Variants in PCDH15 observed in about 807,000 individuals in gnomAD.
The protein encoded by PCDH15 is protocadherin-15.
Under a neutral mutation model 178.5 loss-of-function variants are expected in PCDH15, and 129 were observed. The ratio of observed to expected loss-of-function variants is 0.72; its 90% CI spans 0.63 to 0.84. The LOEUF is 0.84. PCDH15 is among the 40% of genes least tolerant of loss of function. The pLI is 0.00. For missense variants in PCDH15, 2,230 were observed against 2,099.9 expected, an observed-to-expected ratio of 1.06 and a Z score of -1.21; for synonymous variants, 800 against 732.0, an observed-to-expected ratio of 1.09 and a Z score of -1.50.
chr10:55,567,820 G>A (rs1589143958), intron 2 of PCDH15, among the ~76,000 whole-genome samples: 2 of 151,592 alleles, frequency 1.3e-5, no homozygotes, highest in Admixed American at 6.6e-5. Flanking sequence ...TTGTTACACC[G>A]TTGGCACATT....
chr10:53,915,873 A>G (rs1412220391), intron 25 of PCDH15, among the ~76,000 whole-genome samples: 2 of 152,118 alleles, frequency 1.3e-5, no homozygotes, highest in African/African-American at 4.8e-5. Flanking sequence ...TGTATAATAT[A>G]TAATACTTGA....
At chr10:55,411,113 T>C (rs1838320611) in intron 2 of PCDH15, among the ~76,000 whole-genome samples, 3 of 152,120 alleles carry the variant, frequency 2.0e-5, no homozygotes, top group South Asian at 2.1e-4. Context: ...GTCCTTAGTG[T>C]AGCAATTTTA....
chr10:54,990,059 C>T (rs1387473440), intron 2 of PCDH15, among the ~76,000 whole-genome samples: 1 of 152,174 alleles, frequency 6.6e-6, no homozygotes, highest in Admixed American at 6.6e-5. Flanking sequence ...GATTGTGAGG[C>T]CTCCTCTGCC....
chr10:53,933,032 C>T (rs962263538), intron 25 of PCDH15, among the ~76,000 whole-genome samples: 1 of 152,036 alleles, frequency 6.6e-6, no homozygotes, highest in African/African-American at 2.4e-5. Context: ...TTGACTTCCA[C>T]CACGATTATA....
At chr10:55,146,100 G>T (rs946117853) in intron 2 of PCDH15, among the ~76,000 whole-genome samples, 1 of 151,848 alleles carries the variant, frequency 6.6e-6, no homozygotes, top group Non-Finnish European at 1.5e-5. Context: ...TTCTTTTTTG[G>T]CTGTGCCAAG....
intron 2 of PCDH15, among the ~76,000 whole-genome samples, chr10:54,631,617 T>C (rs1328629957): frequency 6.6e-6 from 1 of 152,148 alleles, no homozygotes; most frequent in Non-Finnish European, 1.5e-5. Flanking sequence ...TGTTCCATCA[T>C]AGCACTATGC....
chr10:54,061,209 T>A (rs572451848), intron 18 of PCDH15, among the ~76,000 whole-genome samples: 124 of 152,294 alleles, frequency 8.1e-4, no homozygotes, highest in African/African-American at 2.8e-3. Context: ...AAGAGGCCTC[T>A]CATATCTGAG....
rs577077443 is a variant in PCDH15, at chr10:54,407,188, G to A, written c.158-28246C>T. 2.6e-5 allele frequency among the ~76,000 whole-genome samples: 4 copies of A among 152,200 alleles called. No individual in the cohort carries two copies. The East Asian group carries it at 5.8e-4, about 22-fold the overall frequency. ...ATCTATAGTGATAGAAAACAAATCA[G>A]TGGTTGCTTGGGGAAAAGGATGGAG... On this transcript the variant is annotated intron_variant, in intron 3 of 37. Coordinates refer to ENST00000644397, the MANE Select transcript of PCDH15 (RefSeq NM_001384140.1).
chr10:53,817,845 T>C (rs528409077), intron 34 of PCDH15, 150 bp downstream of exon 34: 5 of 389,072 alleles, frequency 1.3e-5, no homozygotes, highest in Admixed American at 4.5e-5. Context: ...GCAACATATA[T>C]AAAAGAAAAT....
chr10:55,355,230 T>G (rs1845045036), intron 2 of PCDH15, among the ~76,000 whole-genome samples: 1 of 152,042 alleles, frequency 6.6e-6, no homozygotes, highest in South Asian at 2.1e-4. Context: ...ATGTAGATTT[T>G]TGTGTGAAAA....
intron 2 of PCDH15, among the ~76,000 whole-genome samples, chr10:55,615,204 T>A (rs1843449450): frequency 6.9e-6 from 1 of 144,232 alleles, no homozygotes; most frequent in Non-Finnish European, 1.5e-5. Context: ...GAACAGTGAC[T>A]ATAATAAAAA....
intron 25 of PCDH15, among the ~76,000 whole-genome samples, chr10:53,928,835 T>A (rs1304016734): frequency 1.3e-5 from 2 of 152,018 alleles, no homozygotes; most frequent in Non-Finnish European, 2.9e-5. Context: ...TGAATCCCAA[T>A]TTAAATTTGG....
intron 3 of PCDH15, among the ~76,000 whole-genome samples, chr10:54,416,647 G>T (rs535701777): frequency 3.3e-5 from 5 of 152,260 alleles, no homozygotes; most frequent in Non-Finnish European, 7.3e-5. Context: ...ACCTAGTAAT[G>T]ATATTGTTGG....
intron 17 of PCDH15, among the ~76,000 whole-genome samples, chr10:54,069,831 C>T (rs1469017153): frequency 1.3e-5 from 2 of 152,010 alleles, no homozygotes; most frequent in Non-Finnish European, 2.9e-5. Context: ...TAAAAATTAG[C>T]AAATGAAAAC....
intron 2 of PCDH15, among the ~76,000 whole-genome samples, chr10:55,470,444 A>C (rs183178970): frequency 6.6e-6 from 1 of 152,040 alleles, no homozygotes; most frequent in Admixed American, 6.5e-5. Flanking sequence ...ATATTCTTAA[A>C]TTCTTCCTTC....
intron 3 of PCDH15, among the ~76,000 whole-genome samples, chr10:54,864,124 A>G (rs56946152): frequency 0.17 from 25,701 of 152,092 alleles, 2,877 homozygotes; most frequent in East Asian, 0.51. Flanking sequence ...ATATTTGGCC[A>G]TATATAAATG....
At chr10:54,089,790 T>C (rs1031813839) in intron 16 of PCDH15, among the ~76,000 whole-genome samples, 194 bp downstream of exon 16, 4 of 152,186 alleles carry the variant, frequency 2.6e-5, no homozygotes, top group Non-Finnish European at 5.9e-5. Flanking sequence ...CTAGTAAAAA[T>C]GTTAAAAATA....
chr10:54,412,820 C>T (rs933107506), intron 3 of PCDH15, among the ~76,000 whole-genome samples: 1 of 152,130 alleles, frequency 6.6e-6, no homozygotes, highest in East Asian at 1.9e-4. Flanking sequence ...TTCCCTGGTT[C>T]AAGGGATTCT....
chr10:54,295,477 C>G (rs1162743629), intron 8 of PCDH15, among the ~76,000 whole-genome samples: 1 of 152,180 alleles, frequency 6.6e-6, no homozygotes, highest in Non-Finnish European at 1.5e-5. Flanking sequence ...CTTGCTGGTG[C>G]TCACTCTTAG....
Sources: allele counts gnomAD v4.1 joint callset (sites outside exome capture counted in the v4.1 genomes callset), GRCh38; gene constraint gnomAD v4.1.1; transcripts MANE v1.5; gene names NCBI Gene and HGNC (gene_info 2026-07-23, HGNC 2026-07-21).